Variants in APLF observed in about 807,000 individuals in gnomAD.
APLF encodes aprataxin and PNKP like factor.
A neutral mutation model predicts 55.6 loss-of-function variants in APLF; 61 were observed. That is an observed-to-expected ratio of 1.10 (90% CI 0.89 to 1.36). The LOEUF is 1.36. Ranked by LOEUF, APLF falls within the 40% of genes most tolerant of loss-of-function variation. APLF has a pLI of 0.00. For missense variants in APLF, 611 were observed against 602.5 expected, an observed-to-expected ratio of 1.01 and a Z score of -0.15; for synonymous variants, 207 against 214.8, an observed-to-expected ratio of 0.96 and a Z score of 0.32.
intron 8 of APLF, among the ~76,000 whole-genome samples, chr2:68,561,724 C>T (rs1467420381): frequency 1.3e-5 from 2 of 151,942 alleles, no homozygotes; most frequent in African/African-American, 2.4e-5. Context: ...GAGTGCAGAG[C>T]GATTTCAGCA....
chr2:68,469,370 T>A (rs926431049), intron 1 of APLF, among the ~76,000 whole-genome samples: 1 of 152,194 alleles, frequency 6.6e-6, no homozygotes, highest in Non-Finnish European at 1.5e-5. Context: ...TTTAGAAACA[T>A]GGCAACAGAT....
chr2:68,475,823 C>T (rs548460052), intron 1 of APLF, among the ~76,000 whole-genome samples: 1 of 151,886 alleles, frequency 6.6e-6, no homozygotes, highest in Non-Finnish European at 1.5e-5. Flanking sequence ...CTAGATAAGA[C>T]AATTTTATGA....
intron 8 of APLF, among the ~76,000 whole-genome samples, chr2:68,552,702 T>C (rs1362820291): frequency 6.6e-6 from 1 of 152,136 alleles, no homozygotes; most frequent in Non-Finnish European, 1.5e-5. Context: ...AGGATAGTAA[T>C]GTCAAAAATT....
intron 1 of APLF, among the ~76,000 whole-genome samples, chr2:68,469,624 A>C (rs1330584789): frequency 6.6e-6 from 1 of 152,234 alleles, no homozygotes; most frequent in Non-Finnish European, 1.5e-5. Flanking sequence ...TTTGGAGAAC[A>C]AACAAATCGC....
At chr2:68,526,850 C>T (rs776303098) in intron 6 of APLF, among the ~76,000 whole-genome samples, 1 of 152,174 alleles carries the variant, frequency 6.6e-6, no homozygotes, top group Non-Finnish European at 1.5e-5. Context: ...ACCATGCCCG[C>T]CTAATTTTTG....
chr2:68,506,290 TGAA>T (rs1676871464), intron 3 of APLF, among the ~76,000 whole-genome samples: 1 of 150,728 alleles, frequency 6.6e-6, no homozygotes, highest in African/African-American at 2.5e-5. Flanking sequence ...GGGCAGATCT[TGAA>T]TTGCAGTATC....
chr2:68,467,739 G>C lies in APLF; in HGVS notation c.8G>C (p.Gly3Ala). ...GCCTAATCCTTGCCCGCCATGTCCG[G>C]GGGCTTCGAGCTGCAGCCGCGGGAC... Reference protein sequence around the residue: MSGGFELQPRDGG... With the variant: MSAGFELQPRDGG... The change falls in exon 1 of 10, where the codon GGG becomes GCG. Residue 3 changes from glycine to alanine, a missense_variant. By Grantham distance (60) the Gly-to-Ala change is moderately conservative (BLOSUM62 0). Transcript: ENST00000303795. 1.6e-6 allele frequency: 2 copies of C among 1,235,002 alleles called. No homozygotes were observed. Among genetic ancestry groups the C allele is most frequent in the Non-Finnish European group, 2.0e-6 (2 of 988,038 alleles). 76.5% of individuals were successfully genotyped at this position (1,235,002 alleles called of 1,614,324 possible).
chr2:68,561,605 C>A (rs1230988383), intron 8 of APLF, among the ~76,000 whole-genome samples: 1 of 152,002 alleles, frequency 6.6e-6, no homozygotes, highest in Non-Finnish European at 1.5e-5. Context: ...TTCATTGTTT[C>A]CTGAGGAAGT....
At chr2:68,471,514 G>A (rs949463538) in intron 1 of APLF, among the ~76,000 whole-genome samples, 2 of 152,100 alleles carry the variant, frequency 1.3e-5, no homozygotes, top group African/African-American at 4.8e-5. Flanking sequence ...CTCACATGGG[G>A]ACTGGCGCCA....
Position 68,473,929 on chromosome 2 carries a change from T to G in APLF, c.96+6102T>G, listed in dbSNP as rs1044475181. 1.1e-4 allele frequency among the ~76,000 whole-genome samples: 16 copies of G among 152,288 alleles called. 1 individual carries two copies. The South Asian group carries it at 3.3e-3, about 32-fold the overall frequency. ...GCATCAGCTCCCACATGTTGAGGGC[T>G]CAGTTCCCAAGATTTCCCCCCACTT... On this transcript the variant is annotated intron_variant, in intron 1 of 9. Coordinates refer to ENST00000303795, the MANE Select transcript of APLF (RefSeq NM_173545.3).
chr2:68,578,532 A>G lies in APLF; in HGVS notation c.*510A>G. On this transcript the variant is annotated 3_prime_UTR_variant, in exon 10 of 10. Coordinates refer to ENST00000303795, the MANE Select transcript of APLF (RefSeq NM_173545.3). ...CCTTAGATGTGAGCTTTGCAATTTC[A>G]CTTACTACTTTTATCCTTCAAAACT... 1.0e-6 allele frequency: 1 copy of G among 985,746 alleles called. No homozygotes were observed. The highest frequency in any genetic ancestry group is 1.2e-6 in the Non-Finnish European group (1 of 830,292). 61.1% of individuals were successfully genotyped at this position (985,746 alleles called of 1,614,324 possible). A position where few individuals can be genotyped will look rare whatever the true frequency, so the allele number is the denominator to read the frequency against.
At chr2:68,564,239 C>CA (rs1218610404) in intron 8 of APLF, among the ~76,000 whole-genome samples, 15 of 152,208 alleles carry the variant, frequency 9.9e-5, no homozygotes, top group African/African-American at 3.4e-4. Context: ...GTCTTCATCA[C>CA]AACTAAGTTG....
In APLF at chr2:68,470,667, A is replaced by C. The variant is rs141959337; in HGVS notation, c.96+2840A>C. ...TGAAATCTACTATTTCTGATTTCAG[A>C]TTTTTCTTATTTTGTTTTGACAGCA... On this transcript the variant is annotated intron_variant, in intron 1 of 9. Coordinates refer to ENST00000303795, the MANE Select transcript of APLF (RefSeq NM_173545.3). Among the ~76,000 whole-genome samples the C allele has an allele frequency of 6.5e-3, 988 of 152,188 alleles. 7 individuals carry two copies. The highest frequency in any genetic ancestry group is 0.023 in the African/African-American group (941 of 41,526).
rs536997867 is a variant in APLF, at chr2:68,576,238, A to T, written c.1334-1582A>T. 3.9e-5 allele frequency among the ~76,000 whole-genome samples: 6 copies of T among 152,292 alleles called. No individual in the cohort carries two copies. The South Asian group carries it at 1.2e-3, about 32-fold the overall frequency. ...TTCCAAGAGGAAAATAGACAAAAATAGAGATATTGATGTTCTTTCCTTCTC... is the reference window on the plus strand; with the variant it reads ...TTCCAAGAGGAAAATAGACAAAAATTGAGATATTGATGTTCTTTCCTTCTC... On this transcript the variant is annotated intron_variant, in intron 9 of 9. Coordinates refer to ENST00000303795, the MANE Select transcript of APLF (RefSeq NM_173545.3).
chr2:68,476,476 CA>C (rs768968249), intron 1 of APLF, among the ~76,000 whole-genome samples: 11,589 of 76,468 alleles, frequency 0.15, 1,254 homozygotes, highest in African/African-American at 0.42. Context: ...GAGTGAGACT[CA>C]AAAAAAAAAA....
rs1671699192 is a variant in APLF at position 68,579,109 on chromosome 2, A to G, written c.*1087A>G. ...GCCAAAAGAATCTTTGTTAAATGCTATTATTTTCTACTCTAAAGGAACCTA... is the reference window on the plus strand; with the variant it reads ...GCCAAAAGAATCTTTGTTAAATGCTGTTATTTTCTACTCTAAAGGAACCTA... On this transcript the variant is annotated 3_prime_UTR_variant, in exon 10 of 10. Transcript: ENST00000303795. 1.0e-6 allele frequency: 1 copy of G among 959,412 alleles called. No homozygotes were observed. The highest frequency in any genetic ancestry group is 1.2e-6 in the Non-Finnish European group (1 of 806,458). 59.4% of individuals were successfully genotyped at this position (959,412 alleles called of 1,614,324 possible). A position where few individuals can be genotyped will look rare whatever the true frequency, so the allele number is the denominator to read the frequency against.
At chr2:68,478,265 A>T (rs957776086) in intron 1 of APLF, among the ~76,000 whole-genome samples, 1 of 152,198 alleles carries the variant, frequency 6.6e-6, no homozygotes, top group African/African-American at 2.4e-5. Flanking sequence ...TTCAAAATAA[A>T]TGAATACAGC....
intron 2 of APLF, among the ~76,000 whole-genome samples, chr2:68,492,688 C>T (rs559856288): frequency 8.6e-5 from 13 of 151,998 alleles, no homozygotes; most frequent in Non-Finnish European, 1.0e-4. Context: ...TTAGATGGTA[C>T]GCAGATCATA....
chr2:68,560,548 G>T lies in APLF; in HGVS notation c.1287-6793G>T, dbSNP rs566279179. The stretch of plus-strand genomic sequence containing the variant: ...AAATAAGCTATTACCTAAACTTTTT[G>T]TTACTTATGCACCTACATCATTAAA... On this transcript the variant is annotated intron_variant, in intron 8 of 9. Transcript: ENST00000303795. 3.3e-5 allele frequency among the ~76,000 whole-genome samples: 5 copies of T among 151,938 alleles called. No homozygotes were observed. In the East Asian group the frequency reaches 9.7e-4, roughly 29 times the overall value.
Sources: allele counts gnomAD v4.1 joint callset (sites outside exome capture counted in the v4.1 genomes callset), GRCh38; gene constraint gnomAD v4.1.1; transcripts MANE v1.5; gene names NCBI Gene and HGNC (gene_info 2026-07-23, HGNC 2026-07-21).